Variants in NTM observed in about 807,000 individuals in gnomAD.
NTM encodes neurotrimin.
NTM carries 13 observed loss-of-function variants against 42.1 expected under a neutral mutation model. That is an observed-to-expected ratio of 0.31 (90% CI 0.20 to 0.49). The LOEUF (loss-of-function observed/expected upper bound fraction) is 0.49, where lower values mean the gene tolerates loss of function less well. NTM is among the 20% of genes least tolerant of loss of function. NTM has a pLI of 0.99. For missense variants in NTM, 373 were observed against 452.8 expected (o/e 0.82, Z 1.60); for synonymous variants, 187 against 179.2 (o/e 1.04, Z -0.35).
intron 1 of NTM, among the ~76,000 whole-genome samples, chr11:131,872,397 G>T (rs2137093137): frequency 6.6e-6 from 1 of 152,262 alleles, no homozygotes; most frequent in East Asian, 1.9e-4. Flanking sequence ...CGTTCTTGTT[G>T]TTTCATTTGT....
chr11:132,120,933 T>TGA (rs138988616), intron 2 of NTM, among the ~76,000 whole-genome samples: 2 of 151,888 alleles, frequency 1.3e-5, no homozygotes, highest in Admixed American at 6.6e-5. Context: ...TGTGTATGTT[T>TGA]GAGAGAGAGA....
chr11:132,077,093 C>A (rs751566935), intron 2 of NTM, among the ~76,000 whole-genome samples: 1 of 152,146 alleles, frequency 6.6e-6, no homozygotes, highest in Non-Finnish European at 1.5e-5. Flanking sequence ...TTTACCTTAC[C>A]CTACTAGAAT....
chr11:131,409,734 G>T (rs1266953516), intron 1 of NTM, among the ~76,000 whole-genome samples: 1 of 152,172 alleles, frequency 6.6e-6, no homozygotes. Flanking sequence ...ACTTCATTTT[G>T]CATTCATAAA....
At chr11:132,320,902 C>T (rs1447629467) in intron 7 of NTM, among the ~76,000 whole-genome samples, 1 of 151,690 alleles carries the variant, frequency 6.6e-6, no homozygotes, top group East Asian at 1.9e-4. Flanking sequence ...GGAGGCACCC[C>T]CCAGCAGGGC....
At chr11:132,122,089 G>A (rs190135230) in intron 2 of NTM, among the ~76,000 whole-genome samples, 4 of 152,294 alleles carry the variant, frequency 2.6e-5, no homozygotes, top group African/African-American at 7.2e-5. Flanking sequence ...TGCTATAGGC[G>A]CTGAATTGCG....
At chr11:132,080,219 C>G (rs1269163668) in intron 2 of NTM, among the ~76,000 whole-genome samples, 1 of 152,184 alleles carries the variant, frequency 6.6e-6, no homozygotes, top group Non-Finnish European at 1.5e-5. Flanking sequence ...CCCTGGCCCT[C>G]CCATTGAGTA....
chr11:131,884,680 A>C (rs2050102319), intron 1 of NTM, among the ~76,000 whole-genome samples: 1 of 152,118 alleles, frequency 6.6e-6, no homozygotes, highest in Non-Finnish European at 1.5e-5. Flanking sequence ...AAGAGCACAC[A>C]GTGATCGGAA....
chr11:131,556,669 G>A (rs763724563), intron 1 of NTM, among the ~76,000 whole-genome samples: 1 of 149,930 alleles, frequency 6.7e-6, no homozygotes, highest in Non-Finnish European at 1.5e-5. Flanking sequence ...CCAGGTTTAA[G>A]TGATTCTTCT....
At chr11:132,195,404 T>A (rs533625496) in intron 3 of NTM, among the ~76,000 whole-genome samples, 1 of 151,380 alleles carries the variant, frequency 6.6e-6, no homozygotes, top group Non-Finnish European at 1.5e-5. Context: ...GTAATTCCTA[T>A]CAAACTACTA....
chr11:132,012,694 T>C (rs908526718), intron 2 of NTM, among the ~76,000 whole-genome samples: 1 of 152,206 alleles, frequency 6.6e-6, no homozygotes, highest in Non-Finnish European at 1.5e-5. Context: ...GGCTCATTAA[T>C]TCATTTTTTA....
At chr11:131,490,456 C>G (rs1954656998) in intron 1 of NTM, among the ~76,000 whole-genome samples, 1 of 152,176 alleles carries the variant, frequency 6.6e-6, no homozygotes, top group African/African-American at 2.4e-5. Flanking sequence ...CATGATTTTG[C>G]AATTTGTGCA....
intron 7 of NTM, among the ~76,000 whole-genome samples, chr11:132,320,966 C>A (rs1270257995): frequency 1.7e-3 from 251 of 151,006 alleles, no homozygotes; most frequent in Non-Finnish European, 3.0e-3. Flanking sequence ...GCTGAGGGTC[C>A]TGTCTGTTAG....
chr11:132,055,303 C>T (rs2079461147), intron 2 of NTM, among the ~76,000 whole-genome samples: 1 of 152,208 alleles, frequency 6.6e-6, no homozygotes, highest in Admixed American at 6.5e-5. Context: ...CTGCCTCTCC[C>T]TTGGGACTAG....
intron 1 of NTM, among the ~76,000 whole-genome samples, chr11:131,384,620 G>A (rs1943086612): frequency 6.6e-6 from 1 of 152,184 alleles, no homozygotes; most frequent in Non-Finnish European, 1.5e-5. Flanking sequence ...GAGGCAAGAA[G>A]GAGGATGTGG....
intron 1 of NTM, among the ~76,000 whole-genome samples, chr11:131,796,613 G>A (rs556133895): frequency 2.0e-5 from 3 of 152,318 alleles, no homozygotes; most frequent in Non-Finnish European, 2.9e-5. Context: ...AATGGAGTGT[G>A]TAGAGTCCCA....
At chr11:131,613,477 C>T (rs1406218021) in intron 1 of NTM, among the ~76,000 whole-genome samples, 1 of 152,144 alleles carries the variant, frequency 6.6e-6, no homozygotes, top group African/African-American at 2.4e-5. Context: ...GCTGTCCCCT[C>T]CTTTCTGATA....
intron 4 of NTM, among the ~76,000 whole-genome samples, chr11:132,261,253 TTAA>T (rs947448021): frequency 6.6e-6 from 1 of 152,180 alleles, no homozygotes; most frequent in African/African-American, 2.4e-5. Context: ...CTCAAGGGCC[TTAA>T]CATGTCACCT....
chr11:131,744,520 T>C (rs1275763540), intron 1 of NTM, among the ~76,000 whole-genome samples: 4 of 152,138 alleles, frequency 2.6e-5, no homozygotes, highest in Non-Finnish European at 5.9e-5. Context: ...TTGCTGGCAA[T>C]TCCCTTTTCA....
chr11:131,437,316 T>G (rs1414316739), intron 1 of NTM, among the ~76,000 whole-genome samples: 1 of 152,226 alleles, frequency 6.6e-6, no homozygotes, highest in Non-Finnish European at 1.5e-5. Context: ...GGTGCAGAAC[T>G]GAGTTCAAGT....
Sources: gnomAD v4.1 joint callset for allele counts (sites outside exome capture counted in the v4.1 genomes callset) on GRCh38, gnomAD v4.1.1 for gene constraint, MANE v1.5 for transcripts, NCBI Gene and HGNC (gene_info 2026-07-23, HGNC 2026-07-21) for gene names.